The following TNNI3K variants were observed in gnomAD, a reference collection of about 807,000 sequenced individuals.
TNNI3K encodes the protein TNNI3 interacting kinase.
A neutral mutation model predicts 114.5 loss-of-function variants in TNNI3K; 140 were observed. That is an observed-to-expected ratio of 1.22 (90% confidence interval 1.07 to 1.41). TNNI3K has a LOEUF of 1.41. Ranked by LOEUF, TNNI3K falls within the 40% of genes most tolerant of loss-of-function variation. The pLI is 0.00. For missense variants in TNNI3K, 1,125 were observed against 1,007.6 expected (o/e 1.12, Z -1.58); for synonymous variants, 347 against 347.5 (o/e 1.00, Z 0.02).
At chr1:74,291,865 C>T (rs1657696529) in intron 5 of TNNI3K, among the ~76,000 whole-genome samples, 1 of 151,506 alleles carries the variant, frequency 6.6e-6, no homozygotes, top group South Asian at 2.1e-4. Flanking sequence ...AATTTTTTGA[C>T]ATGTTCAATT....
Position 74,510,926 on chromosome 1 carries a change from C to A in TNNI3K, c.2351+18660C>A, listed in dbSNP as rs556243887. On this transcript the variant is annotated intron_variant, in intron 23 of 24. Coordinates refer to ENST00000326637, the MANE Select transcript of TNNI3K (RefSeq NM_015978.3). ...TTTTGAGACGAAGTCTCACTCTTGT[C>A]CCCCAGGCTGGAGTACAATGGTGCG... Among the ~76,000 whole-genome samples the A allele has an allele frequency of 2.0e-5, 3 of 152,298 alleles. No individual in the cohort carries two copies. In the South Asian group the frequency reaches 6.2e-4, roughly 32 times the overall value.
intron 23 of TNNI3K, among the ~76,000 whole-genome samples, chr1:74,516,561 A>T (rs967479653): frequency 6.6e-6 from 1 of 152,116 alleles, no homozygotes; most frequent in Non-Finnish European, 1.5e-5. Context: ...GCAATAGAGG[A>T]TGAGGCTGGA....
At chr1:74,284,743 G>A (rs1390540536) in intron 5 of TNNI3K, among the ~76,000 whole-genome samples, 3 of 152,122 alleles carry the variant, frequency 2.0e-5, no homozygotes, top group African/African-American at 7.2e-5. Flanking sequence ...ATTTTTTTGT[G>A]TGAAAAATCA....
intron 21 of TNNI3K, chr1:74,471,191 C>T: frequency 2.5e-6 from 1 of 400,706 alleles, no homozygotes; most frequent in Non-Finnish European, 4.4e-6. Context: ...AAGTTGTTAG[C>T]ACTGAGCAGG....
At chr1:74,264,513 A>C (rs1655855921) in intron 4 of TNNI3K, among the ~76,000 whole-genome samples, 1 of 152,114 alleles carries the variant, frequency 6.6e-6, no homozygotes, top group African/African-American at 2.4e-5. Context: ...TATAAAAACA[A>C]ATAAACTTTA....
At chr1:74,254,856 G>A (rs1217702574) in intron 4 of TNNI3K, among the ~76,000 whole-genome samples, 1 of 152,200 alleles carries the variant, frequency 6.6e-6, no homozygotes, top group Non-Finnish European at 1.5e-5. Flanking sequence ...AAGAGGAGGA[G>A]CACATCCACC....
At chr1:74,498,893 T>A (rs1669468943) in intron 23 of TNNI3K, among the ~76,000 whole-genome samples, 1 of 152,210 alleles carries the variant, frequency 6.6e-6, no homozygotes, top group South Asian at 2.1e-4. Flanking sequence ...TAACAAAAGG[T>A]AATGTTCCTT....
intron 23 of TNNI3K, among the ~76,000 whole-genome samples, chr1:74,506,794 A>AT (rs1669926753): frequency 6.6e-6 from 1 of 151,952 alleles, no homozygotes; most frequent in African/African-American, 2.4e-5. Context: ...CTCTTTCTAG[A>AT]TTTTTTTCCT....
At chr1:74,384,905 A>G (rs1663395286) in intron 17 of TNNI3K, among the ~76,000 whole-genome samples, 1 of 152,144 alleles carries the variant, frequency 6.6e-6, no homozygotes. Flanking sequence ...TTGGTCTCTG[A>G]TAAGGATTTT....
At chr1:74,473,754 G>T (rs780805861) in intron 21 of TNNI3K, among the ~76,000 whole-genome samples, 1 of 152,096 alleles carries the variant, frequency 6.6e-6, no homozygotes, top group Non-Finnish European at 1.5e-5. Context: ...GTATTGGAAG[G>T]TTGGACTAGA....
intron 2 of TNNI3K, among the ~76,000 whole-genome samples, chr1:74,238,679 G>T (rs974498671): frequency 1.3e-5 from 2 of 151,972 alleles, no homozygotes; most frequent in Admixed American, 6.6e-5. Flanking sequence ...GTATTAGAAG[G>T]CTAATCAAAA....
chr1:74,436,575 T>A lies in TNNI3K; in HGVS notation c.1878+49T>A, dbSNP rs944835869. The A allele has an allele frequency of 2.6e-6, 4 of 1,556,102 alleles. No individual in the cohort carries two copies. The African/African-American group carries it at 5.6e-5, about 22-fold the overall frequency. ...ATAATTATAAACCAATTAAAATATG[T>A]AAACTCAGCATGAGAGGACGTAAGA... On this transcript the variant is annotated intron_variant, in intron 19 of 24. Transcript: ENST00000326637.
At chr1:74,480,275 A>G (rs1433872422) in intron 21 of TNNI3K, 5 of 717,462 alleles carry the variant, frequency 7.0e-6, no homozygotes, top group African/African-American at 1.7e-5. Context: ...CAGCCTCAGC[A>G]CACTCTGTGC....
At position 74,369,392 on chromosome 1, in the gene TNNI3K, T is replaced by A; in HGVS notation, c.1474T>A (p.Tyr492Asn). The A allele has an allele frequency of 6.2e-7, 1 of 1,608,132 alleles. No homozygotes were observed. The highest frequency in any genetic ancestry group is 8.5e-7 in the Non-Finnish European group (1 of 1,177,106). The change falls in exon 16 of 25, where the codon TAT becomes AAT. Residue 492 changes from tyrosine to asparagine, a missense_variant and splice_region_variant. Tyr to Asn is a moderately radical substitution (Grantham distance 143). Transcript: ENST00000326637. ...ATTTTCTGTTGCTGCCATTTCCAGT[T>A]ATCGAGCCAATACCTACTGCTCCAA... ...CRNKIVAIKR[Y>N]RANTYCSKSD...
chr1:74,499,248 C>G (rs1022952708), intron 23 of TNNI3K, among the ~76,000 whole-genome samples: 4 of 152,186 alleles, frequency 2.6e-5, no homozygotes, highest in Admixed American at 2.6e-4. Flanking sequence ...CTCAAGCAAT[C>G]CTCCTGCCTG....
rs192333865 is a variant in TNNI3K, at chr1:74,428,772, A to C, written c.1773-7308A>C. Among the ~76,000 whole-genome samples the C allele has an allele frequency of 3.3e-3, 499 of 152,166 alleles. 1 individual carries two copies. Among genetic ancestry groups the C allele is most frequent in the Non-Finnish European group, 5.6e-3 (383 of 67,978 alleles). ...TAACGTATTGAGATCTCATTTCTGC[A>C]AAATGTTCAAAAATTAGCCAAACAT... is the stretch of plus-strand genomic sequence containing the variant. On this transcript the variant is annotated intron_variant, in intron 17 of 24. Transcript: ENST00000326637.
At chr1:74,533,347 C>A (rs1165739446) in intron 23 of TNNI3K, among the ~76,000 whole-genome samples, 1 of 152,196 alleles carries the variant, frequency 6.6e-6, no homozygotes, top group African/African-American at 2.4e-5. Flanking sequence ...AAATGCAAAT[C>A]AAAACCACAA....
intron 4 of TNNI3K, among the ~76,000 whole-genome samples, chr1:74,263,619 G>A (rs546823361): frequency 2.0e-5 from 3 of 151,846 alleles, no homozygotes; most frequent in African/African-American, 7.2e-5. Flanking sequence ...AGTAAATTTT[G>A]GGGAGAAGAG....
intron 23 of TNNI3K, among the ~76,000 whole-genome samples, chr1:74,518,873 C>CTTTT (rs1646388103): frequency 1.4e-4 from 14 of 100,334 alleles, no homozygotes; most frequent in East Asian, 2.9e-4. Flanking sequence ...TTTTTTTTCC[C>CTTTT]CTTTTTTTTT....
Sources: allele counts gnomAD v4.1 joint callset (sites outside exome capture counted in the v4.1 genomes callset), GRCh38; gene constraint gnomAD v4.1.1; transcripts MANE v1.5; gene names NCBI Gene and HGNC (gene_info 2026-07-23, HGNC 2026-07-21).